Variants in OSBPL6 observed in about 807,000 individuals in gnomAD.
The protein encoded by OSBPL6 is oxysterol-binding protein-related protein 6.
Under a neutral mutation model 125.8 loss-of-function variants are expected in OSBPL6, and 49 were observed. The ratio of observed to expected loss-of-function variants is 0.39; its 90% CI spans 0.31 to 0.49. The LOEUF (loss-of-function observed/expected upper bound fraction) is 0.49. OSBPL6 is among the 20% of genes least tolerant of loss of function. The probability of loss-of-function intolerance (pLI) is 0.88; values close to 1 mark genes in which losing one functional copy is unlikely to be tolerated. For synonymous variants in OSBPL6, 394 were observed against 391.8 expected, an observed-to-expected ratio of 1.01 and a Z score of -0.07; for missense variants, 986 against 1,135.4, an observed-to-expected ratio of 0.87 and a Z score of 1.89.
intron 1 of OSBPL6, among the ~76,000 whole-genome samples, chr2:178,252,978 A>G (rs79617697): frequency 0.029 from 4,484 of 152,178 alleles, 237 homozygotes; most frequent in African/African-American, 0.1. Flanking sequence ...AGAGTGGACT[A>G]GACAGAATCT....
chr2:178,235,332 A>G (rs1206669338), intron 1 of OSBPL6, among the ~76,000 whole-genome samples: 4 of 150,238 alleles, frequency 2.7e-5, no homozygotes, highest in African/African-American at 9.7e-5. Flanking sequence ...CCTTTCATTG[A>G]AACAGATATT....
chr2:178,248,013 T>G (rs1396368135), intron 1 of OSBPL6, among the ~76,000 whole-genome samples: 1 of 152,166 alleles, frequency 6.6e-6, no homozygotes, highest in Non-Finnish European at 1.5e-5. Context: ...TTGGGAAGGA[T>G]GTATAAAGAG....
chr2:178,284,448 G>A (rs953923520), intron 1 of OSBPL6, among the ~76,000 whole-genome samples: 1 of 152,144 alleles, frequency 6.6e-6, no homozygotes, highest in Non-Finnish European at 1.5e-5. Flanking sequence ...AGCTACTCAG[G>A]AGGCTGAGGC....
At chr2:178,198,710 C>T (rs2089062098) in intron 1 of OSBPL6, among the ~76,000 whole-genome samples, 1 of 152,062 alleles carries the variant, frequency 6.6e-6, no homozygotes, top group Non-Finnish European at 1.5e-5. Context: ...TTTTCCTTAT[C>T]TGTAATGTGG....
chr2:178,389,970 T>C (rs1695261339), intron 21 of OSBPL6, among the ~76,000 whole-genome samples: 1 of 152,190 alleles, frequency 6.6e-6, no homozygotes, highest in African/African-American at 2.4e-5. Context: ...TAGCCCAAAA[T>C]GTTTTCACTA....
chr2:178,333,393 A>C (rs2154078242), intron 8 of OSBPL6, among the ~76,000 whole-genome samples: 1 of 152,314 alleles, frequency 6.6e-6, no homozygotes, highest in South Asian at 2.1e-4. Context: ...TCAAAAATAA[A>C]TAAATAAAAT....
At chr2:178,311,322 C>A (rs1687248943) in intron 3 of OSBPL6, among the ~76,000 whole-genome samples, 1 of 152,136 alleles carries the variant, frequency 6.6e-6, no homozygotes, top group Admixed American at 6.5e-5. Flanking sequence ...TCCAAATATA[C>A]CCTCCTTGGG....
chr2:178,376,410 T>C (rs1363874673), intron 15 of OSBPL6, among the ~76,000 whole-genome samples: 2 of 152,024 alleles, frequency 1.3e-5, no homozygotes, highest in Non-Finnish European at 2.9e-5. Flanking sequence ...TTCTATAGCT[T>C]CCATCATCTA....
Position 178,349,148 on chromosome 2 carries a change from G to A in OSBPL6, c.988-76G>A. ...AGGAATCTATTATTTTGAAGAACGG[G>A]AGAGGTCTTTTCTATGTAGGAGAAT... On this transcript the variant is annotated intron_variant, in intron 11 of 24. Transcript: ENST00000190611. 12 of 1,421,106 alleles carry A rather than the reference G, an allele frequency of 8.4e-6. No homozygotes were observed. In the South Asian group the frequency reaches 1.3e-4, roughly 15 times the overall value. 88.0% of individuals were successfully genotyped at this position (1,421,106 alleles called of 1,614,324 possible).
intron 1 of OSBPL6, among the ~76,000 whole-genome samples, chr2:178,209,590 CTG>C: frequency 6.6e-6 from 1 of 152,018 alleles, no homozygotes; most frequent in East Asian, 1.9e-4. Context: ...TTGTTTTGAT[CTG>C]TGTTTCATGT....
intron 1 of OSBPL6, among the ~76,000 whole-genome samples, chr2:178,238,881 G>C (rs1045457554): frequency 1.3e-5 from 2 of 152,148 alleles, no homozygotes; most frequent in African/African-American, 2.4e-5. Context: ...GGCCTCTGCT[G>C]TGTGCTTTTT....
intron 1 of OSBPL6, among the ~76,000 whole-genome samples, chr2:178,199,317 G>A (rs896109970): frequency 4.6e-5 from 7 of 151,978 alleles, no homozygotes; most frequent in African/African-American, 1.2e-4. Context: ...ATTATTTTCC[G>A]TCCTCTTCTC....
intron 11 of OSBPL6, among the ~76,000 whole-genome samples, chr2:178,340,933 A>G (rs1314446958): frequency 1.3e-5 from 2 of 152,146 alleles, no homozygotes; most frequent in Admixed American, 1.3e-4. Flanking sequence ...AATAAACACA[A>G]CTTTTTGTGT....
intron 3 of OSBPL6, among the ~76,000 whole-genome samples, chr2:178,321,619 T>C (rs1688252204): frequency 6.6e-6 from 1 of 152,258 alleles, no homozygotes; most frequent in East Asian, 1.9e-4. Flanking sequence ...GCTGTTGGCT[T>C]CTTCATTGTC....
chr2:178,357,556 A>G (rs1395786709), intron 12 of OSBPL6, among the ~76,000 whole-genome samples: 4 of 152,214 alleles, frequency 2.6e-5, no homozygotes, highest in African/African-American at 4.8e-5. Context: ...GCCAGTTAAA[A>G]TGGCCATCAT....
At chr2:178,301,034 A>G (rs759181379) in intron 2 of OSBPL6, among the ~76,000 whole-genome samples, 6 of 152,146 alleles carry the variant, frequency 3.9e-5, no homozygotes, top group Admixed American at 3.9e-4. Flanking sequence ...AAAACATTAA[A>G]TAGAAATTGG....
At chr2:178,385,670 A>G (rs2276617) in intron 19 of OSBPL6, 149 bp downstream of exon 19, 292,245 of 629,118 alleles carry the variant, frequency 0.46, 73,508 homozygotes, top group East Asian at 0.82. Flanking sequence ...TTGAGAAATC[A>G]AAATTCCTGG....
intron 12 of OSBPL6, among the ~76,000 whole-genome samples, chr2:178,360,215 A>G (rs1440899165): frequency 6.6e-6 from 1 of 152,196 alleles, no homozygotes; most frequent in Admixed American, 6.6e-5. Flanking sequence ...ATGGCAGTGG[A>G]GGGGAGATGT....
rs1684562872 is a variant in OSBPL6, at chr2:178,284,950, A to C, written c.-327A>C. 1 of 398,330 alleles carries C rather than the reference A, an allele frequency of 2.5e-6. No individual in the cohort carries two copies. The highest frequency in any genetic ancestry group is 4.4e-6 in the Non-Finnish European group (1 of 225,882). 24.7% of individuals were successfully genotyped at this position (398,330 alleles called of 1,614,324 possible). A position where few individuals can be genotyped will look rare whatever the true frequency, so the allele number is the denominator to read the frequency against. ...AGGTTCTGCCACTTGCTGGGAAAAC[A>C]GCAACAGAAGGATATTAAGGAGCCA... On this transcript the variant is annotated 5_prime_UTR_variant, in exon 2 of 25. Coordinates refer to ENST00000190611, the MANE Select transcript of OSBPL6 (RefSeq NM_032523.4).
Sources: gnomAD v4.1 joint callset for allele counts (sites outside exome capture counted in the v4.1 genomes callset) on GRCh38, gnomAD v4.1.1 for gene constraint, MANE v1.5 for transcripts, NCBI Gene and HGNC (gene_info 2026-07-23, HGNC 2026-07-21) for gene names.